Variants in SORCS1 observed in about 807,000 individuals in gnomAD.
SORCS1 encodes sortilin related VPS10 domain containing receptor 1.
A neutral mutation model predicts 146.1 loss-of-function variants in SORCS1; 60 were observed. The ratio of observed to expected loss-of-function variants is 0.41; its 90% confidence interval spans 0.33 to 0.51. The LOEUF (loss-of-function observed/expected upper bound fraction) is 0.51, where lower values mean the gene tolerates loss of function less well. Ranked by LOEUF, SORCS1 falls within the 20% of genes least tolerant of loss-of-function variation. The pLI, the probability that SORCS1 is intolerant of heterozygous loss-of-function variation, is 0.21. For missense variants in SORCS1, 1,352 were observed against 1,487.6 expected, an observed-to-expected ratio of 0.91 and a Z score of 1.50; for synonymous variants, 637 against 584.0, an observed-to-expected ratio of 1.09 and a Z score of -1.31.
intron 2 of SORCS1, among the ~76,000 whole-genome samples, chr10:106,886,504 T>C (rs1951010624): frequency 6.6e-6 from 1 of 152,194 alleles, no homozygotes; most frequent in Admixed American, 6.5e-5. Flanking sequence ...CTAACTAAGC[T>C]GTCCCAAGAT....
intron 2 of SORCS1, among the ~76,000 whole-genome samples, chr10:106,872,386 G>T (rs1489693616): frequency 1.3e-5 from 2 of 152,212 alleles, no homozygotes; most frequent in Non-Finnish European, 2.9e-5. Flanking sequence ...GTCTGTAGCT[G>T]AGGAAGAGAG....
intron 1 of SORCS1, among the ~76,000 whole-genome samples, chr10:106,996,304 A>G (rs1216902558): frequency 6.6e-6 from 1 of 151,688 alleles, no homozygotes; most frequent in East Asian, 1.9e-4. Flanking sequence ...GGGTCAGGGG[A>G]GTCAACTGAG....
At chr10:107,035,288 AAAC>A in intron 1 of SORCS1, among the ~76,000 whole-genome samples, 3 of 150,536 alleles carry the variant, frequency 2.0e-5, no homozygotes, top group African/African-American at 5.0e-5. Flanking sequence ...ACAAAAAAAA[AAAC>A]ACAGAAAAAC....
At chr10:106,874,014 G>T (rs1224893431) in intron 2 of SORCS1, among the ~76,000 whole-genome samples, 1 of 152,146 alleles carries the variant, frequency 6.6e-6, no homozygotes, top group Non-Finnish European at 1.5e-5. Flanking sequence ...TCACAAGGTT[G>T]CTGGGAGGAA....
At chr10:106,740,015 T>C (rs951526251) in intron 5 of SORCS1, among the ~76,000 whole-genome samples, 3 of 151,246 alleles carry the variant, frequency 2.0e-5, no homozygotes, top group African/African-American at 7.3e-5. Context: ...CCTGACCCCA[T>C]GGAAATGATA....
At chr10:107,065,466 C>CCCTCT (rs61458526) in intron 1 of SORCS1, among the ~76,000 whole-genome samples, 14,002 of 58,610 alleles carry the variant, frequency 0.24, 3,313 homozygotes, top group East Asian at 0.56. Flanking sequence ...CTTTCTCTCT[C>CCCTCT]CCTCTCCTCT....
chr10:106,631,917 T>C (rs1440956967), intron 18 of SORCS1, among the ~76,000 whole-genome samples: 1 of 152,202 alleles, frequency 6.6e-6, no homozygotes, highest in African/African-American at 2.4e-5. Flanking sequence ...TGCTGGGTTT[T>C]GTTTCATGAT....
At chr10:106,741,015 G>A (rs2136105008) in intron 5 of SORCS1, among the ~76,000 whole-genome samples, 1 of 152,320 alleles carries the variant, frequency 6.6e-6, no homozygotes, top group South Asian at 2.1e-4. Context: ...CGAAATACGT[G>A]TAGCTACTAC....
At position 106,883,417 on chromosome 10, in the gene SORCS1, A is replaced by ATTT. The variant is rs11396800; in HGVS notation, c.627-53747_627-53745dup. 5.1e-3 allele frequency among the ~76,000 whole-genome samples: 733 copies of ATTT among 144,050 alleles called. 6 individuals carry two copies. Among genetic ancestry groups the ATTT allele is most frequent in the African/African-American group, 0.017 (667 of 39,100 alleles). 94.5% of individuals were successfully genotyped at this position (144,050 alleles called of 152,430 possible). On this transcript the variant is annotated intron_variant, in intron 2 of 25. Transcript: ENST00000263054. ...ATTTAAAAATATAATTAGCAAATGTATTTTTTTTTTTTTTTGAGACGGAGT... is the reference window on the plus strand; with the variant it reads ...ATTTAAAAATATAATTAGCAAATGTATTTTTTTTTTTTTTTTTTGAGACGGAGT...
intron 5 of SORCS1, among the ~76,000 whole-genome samples, chr10:106,740,370 T>C (rs1857280481): frequency 6.6e-6 from 1 of 152,222 alleles, no homozygotes; most frequent in South Asian, 2.1e-4. Flanking sequence ...TGGTTGATTC[T>C]GAATTAATTT....
chr10:106,807,637 ATTGCCCTGGCCAGAATCCAT>A (rs1366368716), intron 3 of SORCS1, among the ~76,000 whole-genome samples: 3 of 152,260 alleles, frequency 2.0e-5, no homozygotes, highest in African/African-American at 7.2e-5. Flanking sequence ...ATTAACAGCA[ATTGCCCTGGCCAGAATCCAT>A]TGCAAGTAAT....
intron 2 of SORCS1, among the ~76,000 whole-genome samples, chr10:106,926,994 A>G (rs982088420): frequency 9.2e-5 from 14 of 152,146 alleles, no homozygotes; most frequent in Admixed American, 1.3e-4. Flanking sequence ...ATAATACATA[A>G]TACAATACTA....
At chr10:107,083,157 T>A (rs1963473501) in intron 1 of SORCS1, among the ~76,000 whole-genome samples, 1 of 149,926 alleles carries the variant, frequency 6.7e-6, no homozygotes, top group Admixed American at 6.6e-5. Flanking sequence ...GAATACAGTA[T>A]TTGAAAGGGT....
chr10:106,839,520 C>T (rs576688443), intron 2 of SORCS1, among the ~76,000 whole-genome samples: 5 of 152,266 alleles, frequency 3.3e-5, no homozygotes, highest in African/African-American at 9.6e-5. Context: ...TTCTCTATAA[C>T]GGGTAAGTGC....
intron 3 of SORCS1, among the ~76,000 whole-genome samples, chr10:106,783,035 G>A (rs929252819): frequency 4.6e-5 from 7 of 152,186 alleles, no homozygotes; most frequent in African/African-American, 1.7e-4. Context: ...ATAGTAAGGG[G>A]CCTGGGTTTA....
chr10:106,899,174 T>C (rs547713719), intron 2 of SORCS1, among the ~76,000 whole-genome samples: 60 of 152,290 alleles, frequency 3.9e-4, no homozygotes, highest in Non-Finnish European at 5.7e-4. Context: ...CCAACCCTAT[T>C]CTAACACATT....
intron 24 of SORCS1, among the ~76,000 whole-genome samples, chr10:106,584,500 T>C (rs1404592782): frequency 6.6e-6 from 1 of 152,202 alleles, no homozygotes; most frequent in African/African-American, 2.4e-5. Flanking sequence ...TTAAGCTTAA[T>C]CAATTAGAAA....
intron 5 of SORCS1, among the ~76,000 whole-genome samples, chr10:106,749,555 T>C (rs1857993787): frequency 6.6e-6 from 1 of 152,164 alleles, no homozygotes; most frequent in South Asian, 2.1e-4. Flanking sequence ...ATTAAATGAG[T>C]TGAATAATAT....
intron 5 of SORCS1, among the ~76,000 whole-genome samples, chr10:106,752,949 A>T (rs1189030538): frequency 1.3e-5 from 2 of 152,120 alleles, no homozygotes; most frequent in Non-Finnish European, 2.9e-5. Flanking sequence ...CTGATTCTAA[A>T]TGGTAAGATA....
Sources: gnomAD v4.1 joint callset for allele counts (sites outside exome capture counted in the v4.1 genomes callset) on GRCh38, gnomAD v4.1.1 for gene constraint, MANE v1.5 for transcripts, NCBI Gene and HGNC (gene_info 2026-07-23, HGNC 2026-07-21) for gene names.